The following SAMMSON variants were observed in gnomAD, a reference collection of about 807,000 sequenced individuals.
SAMMSON encodes the protein survival associated mitochondrial melanoma specific oncogenic non-coding RNA.
chr3:70,082,459 C>T (rs547857257), intron 4 of SAMMSON, among the ~76,000 whole-genome samples: 1 of 152,092 alleles, frequency 6.6e-6, no homozygotes, highest in Non-Finnish European at 1.5e-5. Context: ...AGGAGTTAGG[C>T]TACATGTTGG....
At chr3:70,005,316 AG>A (rs1215530417) in intron 1 of SAMMSON, among the ~76,000 whole-genome samples, 1 of 143,742 alleles carries the variant, frequency 7.0e-6, no homozygotes, top group Non-Finnish European at 1.5e-5. Flanking sequence ...TACTTACATT[AG>A]GAATGCTAGT....
chr3:70,402,653 G>A (rs1008948457), intron 2 of SAMMSON, among the ~76,000 whole-genome samples: 4 of 152,270 alleles, frequency 2.6e-5, no homozygotes, highest in Non-Finnish European at 5.9e-5. Context: ...CCTGAGGTCA[G>A]GAGTTCAAGA....
chr3:70,015,962 A>G (rs1465396942), intron 3 of SAMMSON, among the ~76,000 whole-genome samples: 7 of 152,150 alleles, frequency 4.6e-5, no homozygotes, highest in Non-Finnish European at 2.9e-5. Flanking sequence ...CCAGTCTGTC[A>G]TTGATGGACA....
At chr3:70,304,073 T>A (rs1459564854) in intron 7 of SAMMSON, among the ~76,000 whole-genome samples, 4 of 152,154 alleles carry the variant, frequency 2.6e-5, no homozygotes, top group Non-Finnish European at 5.9e-5. Context: ...GTTAGGAGTT[T>A]ATTGCAATCC....
intron 3 of SAMMSON, among the ~76,000 whole-genome samples, chr3:70,046,584 T>A (rs2067127851): frequency 6.6e-6 from 1 of 152,158 alleles, no homozygotes; most frequent in African/African-American, 2.4e-5. Context: ...TCAGTATTTT[T>A]ATTACTTGGA....
chr3:70,299,442 C>T lies in SAMMSON; in HGVS notation n.739+8199C>T, dbSNP rs529508243. On this transcript the variant is annotated intron_variant and non_coding_transcript_variant, in intron 7 of 9. Transcript: ENST00000642114. Reference sequence around the variant, plus strand: ...TCTAATTTTTCTAAAAAATAGATAACTTACGTAAAGCCACACAAAAGCACA... The same window carrying T: ...TCTAATTTTTCTAAAAAATAGATAATTTACGTAAAGCCACACAAAAGCACA... 7.9e-5 allele frequency among the ~76,000 whole-genome samples: 12 copies of T among 152,104 alleles called. No individual in the cohort carries two copies. The East Asian group carries it at 1.9e-3, about 24-fold the overall frequency.
chr3:70,390,019 G>A (rs532339174), downstream of SAMMSON, among the ~76,000 whole-genome samples: 1 of 151,940 alleles, frequency 6.6e-6, no homozygotes, highest in Non-Finnish European at 1.5e-5. Context: ...TTTTCAAGGT[G>A]GTAGAAATAA....
At chr3:70,158,026 G>GT (rs1301136774) in intron 4 of SAMMSON, among the ~76,000 whole-genome samples, 1 of 152,054 alleles carries the variant, frequency 6.6e-6, no homozygotes, top group Non-Finnish European at 1.5e-5. Context: ...AGCTTTGGAT[G>GT]TTTTTAATAA....
intron 4 of SAMMSON, among the ~76,000 whole-genome samples, chr3:70,174,760 ATT>A (rs35655379): frequency 2.7e-5 from 4 of 150,222 alleles, no homozygotes; most frequent in South Asian, 4.2e-4. Context: ...AAGGTCTAAG[ATT>A]TTTTTTTTTA....
intron 9 of SAMMSON, among the ~76,000 whole-genome samples, chr3:70,383,864 A>AT (rs1380240842): frequency 6.6e-6 from 1 of 152,100 alleles, no homozygotes; most frequent in African/African-American, 2.4e-5. Flanking sequence ...GCCCTACAGT[A>AT]TTGCAGTGAG....
chr3:70,413,661 C>T (rs1198941312), intron 2 of SAMMSON, among the ~76,000 whole-genome samples: 1 of 152,074 alleles, frequency 6.6e-6, no homozygotes, highest in African/African-American at 2.4e-5. Context: ...TCTTACAAAA[C>T]ATTTTGTGGA....
intron 4 of SAMMSON, among the ~76,000 whole-genome samples, chr3:70,216,157 T>A (rs566545670): frequency 6.6e-6 from 1 of 151,420 alleles, no homozygotes; most frequent in South Asian, 2.1e-4. Context: ...TATATCTACA[T>A]ATTTATATTT....
At chr3:70,294,894 C>T (rs1702275096) in intron 7 of SAMMSON, among the ~76,000 whole-genome samples, 1 of 152,024 alleles carries the variant, frequency 6.6e-6, no homozygotes, top group Non-Finnish European at 1.5e-5. Context: ...TGTGAACCAT[C>T]TTAAAGGAGC....
chr3:70,127,094 T>A (rs1365961914), intron 4 of SAMMSON: 1 of 152,220 alleles, frequency 6.6e-6, no homozygotes, highest in African/African-American at 2.4e-5. Flanking sequence ...TATACTTATG[T>A]GAACGAATGT....
intron 4 of SAMMSON, among the ~76,000 whole-genome samples, chr3:70,208,552 C>A (rs1417032904): frequency 6.6e-6 from 1 of 152,032 alleles, no homozygotes; most frequent in Non-Finnish European, 1.5e-5. Flanking sequence ...CCAATTAAAT[C>A]ACAATCCTTG....
At chr3:70,210,268 A>G (rs533761913) in intron 4 of SAMMSON, among the ~76,000 whole-genome samples, 4 of 152,282 alleles carry the variant, frequency 2.6e-5, no homozygotes, top group East Asian at 1.9e-4. Flanking sequence ...TTGTACTGAG[A>G]GAATTTTATG....
intron 1 of SAMMSON, among the ~76,000 whole-genome samples, chr3:70,008,353 G>A (rs139004816): frequency 0.012 from 1,898 of 152,140 alleles, 34 homozygotes; most frequent in African/African-American, 0.043. Flanking sequence ...CCTTGAAGAG[G>A]TCCTTCACAT....
intron 3 of SAMMSON, among the ~76,000 whole-genome samples, chr3:70,018,840 C>G (rs2066998394): frequency 6.6e-6 from 1 of 152,202 alleles, no homozygotes; most frequent in Non-Finnish European, 1.5e-5. Flanking sequence ...TCGTTATGGA[C>G]TCAGTAGTCA....
rs1702437523 is a variant in SAMMSON at position 70,309,607 on chromosome 3, A to G, written n.739+18364A>G. Among the ~76,000 whole-genome samples the G allele has an allele frequency of 2.6e-5, 4 of 152,282 alleles. No homozygotes were observed. In the South Asian group the frequency reaches 6.2e-4, roughly 24 times the overall value. On this transcript the variant is annotated intron_variant and non_coding_transcript_variant, in intron 7 of 9. Coordinates refer to ENST00000642114, the Ensembl canonical transcript of SAMMSON. ...TAGAAACCATGCCTGCCTGATTCCA[A>G]ATGCCATGCTCTTTTTACTGCACCA...
Sources: gnomAD v4.1 joint callset for allele counts (sites outside exome capture counted in the v4.1 genomes callset) on GRCh38, gnomAD v4.1.1 for gene constraint, MANE v1.5 for transcripts, NCBI Gene and HGNC (gene_info 2026-07-23, HGNC 2026-07-21) for gene names.